The following NAP1L4 variants were observed in gnomAD, a reference collection of about 807,000 sequenced individuals.
The protein encoded by NAP1L4 is nucleosome assembly protein 1-like 4.
A neutral mutation model predicts 58.2 loss-of-function variants in NAP1L4; 15 were observed. The ratio of observed to expected loss-of-function variants is 0.26; its 90% CI spans 0.17 to 0.40. The LOEUF (loss-of-function observed/expected upper bound fraction) is 0.40, where lower values mean the gene tolerates loss of function less well. NAP1L4 is among the 10% of genes least tolerant of loss of function. NAP1L4 has a pLI of 1.00. For missense variants in NAP1L4, 384 were observed against 451.1 expected, an observed-to-expected ratio of 0.85 and a Z score of 1.35; for synonymous variants, 171 against 155.6, an observed-to-expected ratio of 1.10 and a Z score of -0.74.
chr11:2,960,137 C>T, intron 8 of NAP1L4: 1 of 463,682 alleles, frequency 2.2e-6, no homozygotes, highest in Non-Finnish European at 3.9e-6. Context: ...GGCATGTTCC[C>T]CCTCCAATGC....
intron 8 of NAP1L4, among the ~76,000 whole-genome samples, chr11:2,962,584 T>C (rs983354426): frequency 6.6e-6 from 1 of 152,206 alleles, no homozygotes; most frequent in Non-Finnish European, 1.5e-5. Flanking sequence ...CTGCTGAGAT[T>C]TACTTTTAGA....
At chr11:2,966,813 G>A (rs928953714) in intron 7 of NAP1L4, among the ~76,000 whole-genome samples, 6 of 152,080 alleles carry the variant, frequency 3.9e-5, no homozygotes, top group Non-Finnish European at 8.8e-5. Context: ...ACTCAAAGAC[G>A]CAGTGCCCAC....
rs1390747328 is a variant in NAP1L4, at chr11:2,945,437, GTTAAGCAAAATA to G, written c.*230_*241del. ...ATGCATTTCAGTTGCCACTGTACAA[GTTAAGCAAAATA>G]ATAAGGAAAAAGGAAAAGTGAAAGT... On this transcript the variant is annotated 3_prime_UTR_variant, in exon 16 of 16. Coordinates refer to ENST00000380542, the MANE Select transcript of NAP1L4 (RefSeq NM_005969.4). 3.5e-5 allele frequency: 23 copies of G among 648,124 alleles called. No homozygotes were observed. Among genetic ancestry groups the G allele is most frequent in the Non-Finnish European group, 5.8e-5 (22 of 382,400 alleles). 40.1% of individuals were successfully genotyped at this position (648,124 alleles called of 1,614,324 possible). A position where few individuals can be genotyped will look rare whatever the true frequency, so the allele number is the denominator to read the frequency against.
Position 2,971,423 on chromosome 11 carries a change from G to C in NAP1L4, c.402+25C>G. ...TTTTAACAGTATTAAAACAGAACATGAGTCACATGTTTCTAAAGACTTACA... is the reference window on the plus strand; with the variant it reads ...TTTTAACAGTATTAAAACAGAACATCAGTCACATGTTTCTAAAGACTTACA... On this transcript the variant is annotated intron_variant, in intron 6 of 15. Coordinates refer to ENST00000380542, the MANE Select transcript of NAP1L4 (RefSeq NM_005969.4). This position sits in a 1 kb window ranked among gnomAD's most constrained non-coding sequence, Gnocchi z 4.2. 1.3e-6 allele frequency: 2 copies of C among 1,595,488 alleles called. No individual in the cohort carries two copies. Among genetic ancestry groups the C allele is most frequent in the Non-Finnish European group, 1.7e-6 (2 of 1,164,866 alleles).
intron 10 of NAP1L4, chr11:2,958,125 G>T (rs568564940): frequency 1.9e-4 from 116 of 621,930 alleles, no homozygotes; most frequent in South Asian, 7.6e-4. Flanking sequence ...AAACAGAACT[G>T]CAAGTTTTTG....
At chr11:2,970,724 C>T (rs937206926) in intron 6 of NAP1L4, among the ~76,000 whole-genome samples, 32 of 152,236 alleles carry the variant, frequency 2.1e-4, no homozygotes, top group Non-Finnish European at 4.0e-4. Flanking sequence ...AGGCAGATTT[C>T]CCTTGAGCTG....
chr11:2,965,288 T>C lies in NAP1L4; in HGVS notation c.535-537A>G, dbSNP rs1161763322. ...TGTTAGGCAATTCGGCGTGTGTTCA[T>C]CAGAGCATATTTACACAAACCTCGA... On this transcript the variant is annotated intron_variant, in intron 7 of 15. Coordinates refer to ENST00000380542, the MANE Select transcript of NAP1L4 (RefSeq NM_005969.4). Among the ~76,000 whole-genome samples, 4 of 152,332 alleles carry C rather than the reference T, an allele frequency of 2.6e-5. No individual in the cohort carries two copies. In the East Asian group the frequency reaches 5.8e-4, roughly 22 times the overall value.
In NAP1L4 at chr11:2,948,097, A is replaced by AG. The variant is rs1846034553; in HGVS notation, c.*32+1129dup. 6.6e-6 allele frequency among the ~76,000 whole-genome samples: 1 copy of AG among 152,118 alleles called. No homozygotes were observed. Among genetic ancestry groups the AG allele is most frequent in the Non-Finnish European group, 1.5e-5 (1 of 68,020 alleles). ...TGGGTGAGGGTACAGGTGGAATAAG[A>AG]GTGGCTAAGTTCTTCAGACATGCGG... is the stretch of plus-strand genomic sequence containing the variant. On this transcript the variant is annotated intron_variant, in intron 15 of 15. Coordinates refer to ENST00000380542, the MANE Select transcript of NAP1L4 (RefSeq NM_005969.4). This position sits in a 1 kb window ranked among gnomAD's most constrained non-coding sequence, Gnocchi z 5.1.
In NAP1L4 at chr11:2,955,361, A is replaced by C. The variant is rs1281433564; in HGVS notation, c.915+383T>G. On this transcript the variant is annotated intron_variant, in intron 11 of 15. Transcript: ENST00000380542. This position sits in a 1 kb window ranked among gnomAD's most constrained non-coding sequence, Gnocchi z 4.2. ...ACAGGCGCTGCCACCGTGTCCAACTAATTTTTTTTTTTTTTGGTATTTTAA... is the reference window on the plus strand; with the variant it reads ...ACAGGCGCTGCCACCGTGTCCAACTCATTTTTTTTTTTTTTGGTATTTTAA... 1.4e-5 allele frequency among the ~76,000 whole-genome samples: 2 copies of C among 146,646 alleles called. No individual in the cohort carries two copies. The highest frequency in any genetic ancestry group is 3.0e-5 in the Non-Finnish European group (2 of 67,746).
Position 2,955,910 on chromosome 11 carries a change from T to A in NAP1L4, c.893-144A>T. ...TAACAGAAATCCCCAAAGCCTTGCA[T>A]CTCCTCACAGACATCTTTGCAAGCT... On this transcript the variant is annotated intron_variant, in intron 10 of 15. Transcript: ENST00000380542. The surrounding 1 kb of genome is among the most constrained non-coding windows in gnomAD (Gnocchi z 4.2). 1 of 718,580 alleles carries A rather than the reference T, an allele frequency of 1.4e-6. No individual in the cohort carries two copies. The highest frequency in any genetic ancestry group is 1.8e-5 in the South Asian group (1 of 54,310). The allele number at this position is 718,580 out of a possible 1,614,324, so 44.5% of individuals were successfully genotyped here.
rs750636926 is a variant in NAP1L4 at position 2,972,091 on chromosome 11, G to C, written c.315+11C>G. On this transcript the variant is annotated intron_variant, in intron 5 of 15. Coordinates refer to ENST00000380542, the MANE Select transcript of NAP1L4 (RefSeq NM_005969.4). ...AAACTATCTGTATATTAAATTAACA[G>C]AGCTCCCTACCTTGTCAAAGAGAGG... 8 of 1,539,422 alleles carry C rather than the reference G, an allele frequency of 5.2e-6. No individual in the cohort carries two copies. Among genetic ancestry groups the C allele is most frequent in the South Asian group, 5.0e-5 (4 of 80,388 alleles).
Position 2,945,489 on chromosome 11 carries a change from T to A in NAP1L4, c.*190A>T. Reference sequence around the variant, plus strand: ...AAAGTGAAAGTGAAAATCATGCACTTGAAAACGAGTTAGATGGAGTAAGCT... The same window carrying A: ...AAAGTGAAAGTGAAAATCATGCACTAGAAAACGAGTTAGATGGAGTAAGCT... On this transcript the variant is annotated 3_prime_UTR_variant, in exon 16 of 16. Transcript: ENST00000380542. 1 of 858,000 alleles carries A rather than the reference T, an allele frequency of 1.2e-6. No homozygotes were observed. The highest frequency in any genetic ancestry group is 1.7e-6 in the Non-Finnish European group (1 of 572,814). The allele number at this position is 858,000 out of a possible 1,614,324, so 53.1% of individuals were successfully genotyped here.
intron 1 of NAP1L4, among the ~76,000 whole-genome samples, chr11:2,984,042 C>G (rs185004164): frequency 3.8e-4 from 58 of 151,594 alleles, no homozygotes; most frequent in African/African-American, 1.2e-3. Flanking sequence ...GCCTCTGGTC[C>G]CAGCTACTTG....
At chr11:2,966,703 C>T (rs1456623184) in intron 7 of NAP1L4, among the ~76,000 whole-genome samples, 2 of 152,196 alleles carry the variant, frequency 1.3e-5, no homozygotes, top group Admixed American at 6.5e-5. Context: ...CAATGCTGCG[C>T]GTGCCACCCA....
At chr11:2,978,630 C>T (rs1304797277) in intron 2 of NAP1L4, among the ~76,000 whole-genome samples, 1 of 152,176 alleles carries the variant, frequency 6.6e-6, no homozygotes, top group African/African-American at 2.4e-5. Flanking sequence ...CAGCTTCTTT[C>T]CTCAAAAAAT....
At chr11:2,960,264 T>A (rs1846794838) in intron 8 of NAP1L4, 2 of 240,438 alleles carry the variant, frequency 8.3e-6, no homozygotes, top group Admixed American at 5.0e-5. Flanking sequence ...GGACCAGCAG[T>A]CCATCCTCCT....
chr11:2,965,278 C>T (rs181735525), intron 7 of NAP1L4, among the ~76,000 whole-genome samples: 5 of 152,342 alleles, frequency 3.3e-5, no homozygotes, highest in East Asian at 1.9e-4. Context: ...GGCAATTCGG[C>T]GTGTGTTCAT....
At position 2,987,583 on chromosome 11, in the gene NAP1L4, C is replaced by T. The variant is rs541386245; in HGVS notation, c.-18+4671G>A. On this transcript the variant is annotated intron_variant, in intron 1 of 15. Transcript: ENST00000380542. ...CCAGCCTGACCAATATGGTGAAACC[C>T]GTCTCTACTAAAAAGATACAAAAAT... Among the ~76,000 whole-genome samples, 4 of 151,336 alleles carry T rather than the reference C, an allele frequency of 2.6e-5. No individual in the cohort carries two copies. In the East Asian group the frequency reaches 8.0e-4, roughly 30 times the overall value.
At chr11:2,961,343 C>T (rs79821232) in intron 8 of NAP1L4, among the ~76,000 whole-genome samples, 1 of 152,000 alleles carries the variant, frequency 6.6e-6, no homozygotes, top group Non-Finnish European at 1.5e-5. Context: ...CTCCACTGGC[C>T]TTGGCAAGAG....
Sources: gnomAD v4.1 joint callset for allele counts (sites outside exome capture counted in the v4.1 genomes callset) on GRCh38, gnomAD v4.1.1 for gene constraint, Gnocchi (gnomAD v3.1) non-coding constraint, MANE v1.5 for transcripts, NCBI Gene and HGNC (gene_info 2026-07-23, HGNC 2026-07-21) for gene names.